The following ZNF346 variants were observed in gnomAD, a reference collection of about 807,000 sequenced individuals.
The protein encoded by ZNF346 is double-stranded RNA-binding zinc finger protein JAZ.
A neutral mutation model predicts 33.7 loss-of-function variants in ZNF346; 23 were observed. The observed-to-expected ratio is 0.68, with a 90% CI of 0.49 to 0.97. The LOEUF (loss-of-function observed/expected upper bound fraction) is 0.97. ZNF346 is among the 50% of genes least tolerant of loss of function. ZNF346 has a pLI of 0.00. For synonymous variants in ZNF346, 134 were observed against 142.4 expected, an observed-to-expected ratio of 0.94 and a Z score of 0.42; for missense variants, 340 against 371.1, an observed-to-expected ratio of 0.92 and a Z score of 0.69.
chr5:177,044,304 G>C, intron 3 of ZNF346, 85 bp from the exon 4 acceptor site: 1 of 1,526,462 alleles, frequency 6.6e-7, no homozygotes, highest in Non-Finnish European at 9.0e-7. Context: ...ATAAATGCCT[G>C]TTCTGTTATG....
At chr5:177,028,601 G>A (rs1403450044) in intron 1 of ZNF346, among the ~76,000 whole-genome samples, 1 of 139,700 alleles carries the variant, frequency 7.2e-6, no homozygotes, top group Non-Finnish European at 1.5e-5. Context: ...AGTATCTTCT[G>A]TTAAAATATT....
In ZNF346 at chr5:177,036,695, C is replaced by CT. The variant is rs1404926905; in HGVS notation, c.176-4429dup. Among the ~76,000 whole-genome samples the CT allele has an allele frequency of 3.3e-5, 5 of 152,312 alleles. No homozygotes were observed. The East Asian group carries it at 9.6e-4, about 29-fold the overall frequency. On this transcript the variant is annotated intron_variant, in intron 1 of 6. Coordinates refer to ENST00000358149, the MANE Select transcript of ZNF346 (RefSeq NM_012279.4). ...GCCTTTCACTCTTCCTGCTTACTGCCTTGGAGATCATCATTTCCATCAACA... is the reference window on the plus strand; with the variant it reads ...GCCTTTCACTCTTCCTGCTTACTGCCTTTGGAGATCATCATTTCCATCAACA...
chr5:177,027,384 G>A (rs1442630672), intron 1 of ZNF346, among the ~76,000 whole-genome samples: 1 of 151,962 alleles, frequency 6.6e-6, no homozygotes, highest in African/African-American at 2.4e-5. Flanking sequence ...TGGGCAACGT[G>A]GAGAAACCCT....
rs1193025002 is a variant in ZNF346, at chr5:177,067,947, A to G, written c.*3348A>G. Among the ~76,000 whole-genome samples, 7 of 152,184 alleles carry G rather than the reference A, an allele frequency of 4.6e-5. No homozygotes were observed. Among genetic ancestry groups the G allele is most frequent in the Non-Finnish European group, 8.8e-5 (6 of 68,028 alleles). ...TGGTGAAATCCCATCTCTACAAAAA[A>G]TAAAAAATAAAATAAATAAAAACCA... is the stretch of plus-strand genomic sequence containing the variant. On this transcript the variant is annotated 3_prime_UTR_variant, in exon 7 of 7. Coordinates refer to ENST00000358149, the MANE Select transcript of ZNF346 (RefSeq NM_012279.4).
intron 1 of ZNF346, among the ~76,000 whole-genome samples, chr5:177,039,327 A>G (rs1779025965): frequency 6.6e-6 from 1 of 152,220 alleles, no homozygotes; most frequent in African/African-American, 2.4e-5. Flanking sequence ...AGAAATAAAA[A>G]GAGATCATTA....
At position 177,022,777 on chromosome 5, in the gene ZNF346, C is replaced by T; in HGVS notation, c.39C>T (p.Asp13=). The T allele has an allele frequency of 1.3e-6, 2 of 1,552,158 alleles. No homozygotes were observed. The highest frequency in any genetic ancestry group is 8.7e-7 in the Non-Finnish European group (1 of 1,151,148). Residue 13 remains aspartate (D), a synonymous_variant, in exon 1 of 7, where the codon GAC becomes GAT. Transcript: ENST00000358149. ...CGCCGGCCACGGTGCAGGCCGCGGA[C>T]GGCGGAGCGGCCGGGCCTTACAGCA... ...YPAPATVQAA[D]GGAAGPYSSS...
At chr5:177,048,013 A>G (rs1371337835) in intron 4 of ZNF346, among the ~76,000 whole-genome samples, 1 of 152,182 alleles carries the variant, frequency 6.6e-6, no homozygotes, top group Non-Finnish European at 1.5e-5. Context: ...AATTCTTTAT[A>G]AGCATTTTTA....
intron 1 of ZNF346, among the ~76,000 whole-genome samples, chr5:177,025,892 T>C (rs1776689962): frequency 6.6e-6 from 1 of 152,148 alleles, no homozygotes; most frequent in African/African-American, 2.4e-5. Flanking sequence ...AAATTTATCA[T>C]TTTTTATCCT....
chr5:177,041,138 T>C lies in ZNF346; in HGVS notation c.188T>C (p.Ile63Thr), dbSNP rs778466320. ...PVGREEVEHM[I>T]QKNQCLFTNT... ...TTCCCCTCTATAGTGGAGCACATGA[T>C]CCAGAAGAACCAATGTCTCTTCACC... The change falls in exon 2 of 7, where the codon ATC becomes ACC. Residue 63 changes from isoleucine to threonine, a missense_variant. Physicochemically the swap from Ile to Thr is moderately conservative, Grantham distance 89. Transcript: ENST00000358149. The C allele has an allele frequency of 6.2e-7, 1 of 1,613,946 alleles. No homozygotes were observed. The highest frequency in any genetic ancestry group is 8.5e-7 in the Non-Finnish European group (1 of 1,179,810).
chr5:177,030,958 T>G (rs1418614661), intron 1 of ZNF346, among the ~76,000 whole-genome samples: 2 of 151,228 alleles, frequency 1.3e-5, no homozygotes, highest in Admixed American at 1.3e-4. Flanking sequence ...TTTGCTCTTG[T>G]TGCCCAGGCT....
At chr5:177,074,220 C>T (rs1783638748) in intron 8 of ZNF346, among the ~76,000 whole-genome samples, 1 of 152,222 alleles carries the variant, frequency 6.6e-6, no homozygotes, top group Non-Finnish European at 1.5e-5. Context: ...TAATCAGAAG[C>T]TTCCTAGTGT....
chr5:177,074,956 C>T (rs1783674731), intron 8 of ZNF346, among the ~76,000 whole-genome samples: 3 of 151,556 alleles, frequency 2.0e-5, no homozygotes, highest in Admixed American at 6.6e-5. Flanking sequence ...GTCCCAGCTA[C>T]TCGGGAGGCT....
intron 5 of ZNF346, 107 bp from the exon 6 acceptor site, chr5:177,061,951 C>A: frequency 1.1e-6 from 1 of 927,720 alleles, no homozygotes; most frequent in Non-Finnish European, 1.7e-6. Context: ...AACCTCACCT[C>A]GCCTCACCTG....
chr5:177,063,039 G>A (rs1311984538), intron 6 of ZNF346, among the ~76,000 whole-genome samples: 1 of 151,808 alleles, frequency 6.6e-6, no homozygotes, highest in East Asian at 1.9e-4. Flanking sequence ...GAAACGTGTG[G>A]TATGAGCAGT....
At chr5:177,054,257 G>A (rs1244047854) in intron 5 of ZNF346, among the ~76,000 whole-genome samples, 1 of 151,972 alleles carries the variant, frequency 6.6e-6, no homozygotes, top group East Asian at 1.9e-4. Context: ...TTTTTGTAGA[G>A]CTAGAGTCTC....
chr5:177,062,134 C>T lies in ZNF346; in HGVS notation c.780C>T (p.Gly260=), dbSNP rs780664375. ...AACAGTACCAAGCTCATGTCAGCGG[C>T]TTCAAACACAAGAACCAGTAAGTAA... ...SIEQYQAHVS[G]FKHKNQSPKT... is the part of the protein sequence containing the mutation. Residue 260 remains glycine (G), a synonymous_variant, in exon 6 of 7, where the codon GGC becomes GGT. Transcript: ENST00000358149. 6.2e-7 allele frequency: 1 copy of T among 1,614,016 alleles called. No homozygotes were observed. The highest frequency in any genetic ancestry group is 8.5e-7 in the Non-Finnish European group (1 of 1,179,898).
intron 1 of ZNF346, chr5:177,023,114 G>T (rs754814809): frequency 1.0e-5 from 15 of 1,474,384 alleles, no homozygotes; most frequent in Admixed American, 7.9e-5. Flanking sequence ...GGCCGCTCAC[G>T]CTCAGGCCCT....
intron 1 of ZNF346, chr5:177,023,227 C>G (rs1179027344): frequency 6.5e-7 from 1 of 1,535,910 alleles, no homozygotes. Flanking sequence ...ACAGTCTTTG[C>G]CATCCCGGTA....
At chr5:177,028,072 T>TTTTTTTTG (rs1777078804) in intron 1 of ZNF346, among the ~76,000 whole-genome samples, 1 of 75,542 alleles carries the variant, frequency 1.3e-5, no homozygotes, top group African/African-American at 4.4e-5. Flanking sequence ...TTTTTTTTTT[T>TTTTTTTTG]GAGACGGGGT....
Sources: allele counts gnomAD v4.1 joint callset (sites outside exome capture counted in the v4.1 genomes callset), GRCh38; gene constraint gnomAD v4.1.1; transcripts MANE v1.5; gene names NCBI Gene and HGNC (gene_info 2026-07-23, HGNC 2026-07-21).